The following MMP2 variants were observed in gnomAD, a reference collection of about 807,000 sequenced individuals.
MMP2 encodes matrix metallopeptidase 2.
In MMP2, 39 loss-of-function variants were observed where a neutral mutation model predicts 74.8. The observed-to-expected ratio is 0.52, with a 90% CI of 0.40 to 0.68. MMP2 has a LOEUF of 0.68. Among genes scored for constraint, MMP2 ranks in the 30% least tolerant of loss-of-function variants. The probability of loss-of-function intolerance (pLI) is 0.00; values close to 1 mark genes in which losing one functional copy is unlikely to be tolerated. For synonymous variants in MMP2, 367 were observed against 339.8 expected, an observed-to-expected ratio of 1.08 and a Z score of -0.88; for missense variants, 803 against 878.3, an observed-to-expected ratio of 0.91 and a Z score of 1.08.
chr16:55,480,381 AAAG>A (rs1329862850), intron 1 of MMP2, among the ~76,000 whole-genome samples: 8 of 152,140 alleles, frequency 5.3e-5, no homozygotes, highest in East Asian at 1.9e-4. Flanking sequence ...GGGTCGGAGA[AAAG>A]AAGGAGAGAG....
In MMP2 at chr16:55,479,593, C is replaced by T. The variant is rs1962044379; in HGVS notation, c.114C>T (p.Pro38=). ...CGCCGTCGCCCATCATCAAGTTCCC[C>T]GGCGATGTCGCCCCCAAAACGGACA... ...AAAPSPIIKF[P]GDVAPKTDKE... is the part of the protein sequence containing the mutation. Residue 38 remains proline, a synonymous_variant, in exon 1 of 13, where the codon CCC becomes CCT. Coordinates refer to ENST00000219070, the MANE Select transcript of MMP2 (RefSeq NM_004530.6). 2 of 1,613,746 alleles carry T rather than the reference C, an allele frequency of 1.2e-6. No homozygotes were observed. Among genetic ancestry groups the T allele is most frequent in the South Asian group, 1.1e-5 (1 of 91,086 alleles).
chr16:55,501,952 A>G (rs1376271415), intron 11 of MMP2, among the ~76,000 whole-genome samples: 6 of 152,226 alleles, frequency 3.9e-5, no homozygotes, highest in African/African-American at 1.4e-4. Context: ...TCAACATGAC[A>G]GCAGCATTTA....
At chr16:55,497,140 T>G in intron 10 of MMP2, 78 bp downstream of exon 10, 1 of 1,591,958 alleles carries the variant, frequency 6.3e-7, no homozygotes, top group Non-Finnish European at 8.6e-7. Context: ...CCAGGCTCAC[T>G]CCCCCTCTCA....
chr16:55,504,903 C>T (rs1031590445), intron 12 of MMP2, among the ~76,000 whole-genome samples: 3 of 152,040 alleles, frequency 2.0e-5, no homozygotes, highest in African/African-American at 4.8e-5. Flanking sequence ...CTGCCCGTCT[C>T]GGCCTCCCAA....
chr16:55,499,539 A>T (rs528069237), intron 11 of MMP2, among the ~76,000 whole-genome samples: 1 of 152,274 alleles, frequency 6.6e-6, no homozygotes, highest in Non-Finnish European at 1.5e-5. Context: ...GCTCCAGGTT[A>T]TCTACAGGAA....
rs1962448732 is a variant in MMP2 at position 55,493,009 on chromosome 16, ATCT to A, written c.1337-144_1337-142del. ...GCCCCAGGACTCCCCAAGTCCAGGC[ATCT>A]TCTTGTTACCTTACGGAGCTTACAC... On this transcript the variant is annotated intron_variant, in intron 8 of 12. Coordinates refer to ENST00000219070, the MANE Select transcript of MMP2 (RefSeq NM_004530.6). The A allele has an allele frequency of 1.9e-5, 17 of 901,386 alleles. No homozygotes were observed. The South Asian group carries it at 2.5e-4, about 13-fold the overall frequency. 55.8% of individuals were successfully genotyped at this position (901,386 alleles called of 1,614,324 possible).
Position 55,485,396 on chromosome 16 carries a change from C to T in MMP2, c.627C>T (p.Asp209=), listed in dbSNP as rs778038179. The T allele has an allele frequency of 2.4e-5, 38 of 1,613,922 alleles. No homozygotes were observed. The highest frequency in any genetic ancestry group is 2.7e-5 in the African/African-American group (2 of 74,866). The part of the protein sequence containing the change: ...TGVGGDSHFD[D]DELWTLGEGQ... ...TTGGGGGAGACTCCCATTTTGATGA[C>T]GATGAGCTATGGACCTTGGGAGAAG... Residue 209 remains aspartate (D), a synonymous_variant, in exon 4 of 13, where the codon GAC becomes GAT. Coordinates refer to ENST00000219070, the MANE Select transcript of MMP2 (RefSeq NM_004530.6).
intron 8 of MMP2, 142 bp downstream of exon 8, chr16:55,492,098 G>A: frequency 1.3e-6 from 1 of 791,830 alleles, no homozygotes. Flanking sequence ...TGGGAGTGTT[G>A]ACCTGGTCTT....
chr16:55,505,543 C>T lies in MMP2; in HGVS notation c.*101C>T. ...CGGAGGGGCCTGGCAGCCGTGCCTTCAGCTCTACAGCTAATCAGCATTCTC... is the reference window on the plus strand; with the variant it reads ...CGGAGGGGCCTGGCAGCCGTGCCTTTAGCTCTACAGCTAATCAGCATTCTC... On this transcript the variant is annotated 3_prime_UTR_variant, in exon 13 of 13. Transcript: ENST00000219070. 1 of 913,134 alleles carries T rather than the reference C, an allele frequency of 1.1e-6. No individual in the cohort carries two copies. The highest frequency in any genetic ancestry group is 3.2e-4 in the Middle Eastern group (1 of 3,088). The allele number at this position is 913,134 out of a possible 1,614,324, so 56.6% of individuals were successfully genotyped here. A position where few individuals can be genotyped will look rare whatever the true frequency, so the allele number is the denominator to read the frequency against.
intron 5 of MMP2, 151 bp downstream of exon 5, chr16:55,485,928 C>G (rs558540954): frequency 9.2e-6 from 7 of 763,154 alleles, no homozygotes; most frequent in East Asian, 7.9e-5. Context: ...AGTTCCCCCC[C>G]ATCCTGATCT....
chr16:55,488,600 T>A lies in MMP2; in HGVS notation c.890T>A (p.Phe297Tyr), dbSNP rs778881275. The change falls in exon 6 of 13, where the codon TTC becomes TAC. Residue 297 changes from phenylalanine (F) to tyrosine (Y), a missense_variant. By Grantham distance (22) the Phe-to-Tyr change is conservative. This residue lies in a region of MMP2 where 555 missense variants were observed against 592.0 expected (regional missense o/e 0.94). Coordinates refer to ENST00000219070, the MANE Select transcript of MMP2 (RefSeq NM_004530.6). Reference sequence around the variant, plus strand: ...CAGCCCTGCAAGTTTCCATTCCGCTTCCAGGGCACATCCTATGACAGCTGC... The same window carrying A: ...CAGCCCTGCAAGTTTCCATTCCGCTACCAGGGCACATCCTATGACAGCTGC... ...EGQPCKFPFR[F>Y]QGTSYDSCTT... The A allele has an allele frequency of 8.7e-6, 14 of 1,613,976 alleles. No individual in the cohort carries two copies. In the East Asian group the frequency reaches 3.1e-4, roughly 36 times the overall value.
At position 55,483,150 on chromosome 16, in the gene MMP2, CT is replaced by C; in HGVS notation, c.380+17del. ...ATCACATACAGGTGCCGGGGCAGGG[CT>C]TGGGGAGGCAGGGCCATGGGGCTGA... On this transcript the variant is annotated intron_variant, in intron 2 of 12. Transcript: ENST00000219070. 6.2e-7 allele frequency: 1 copy of C among 1,605,672 alleles called. No homozygotes were observed. Among genetic ancestry groups the C allele is most frequent in the South Asian group, 1.1e-5 (1 of 90,590 alleles).
chr16:55,506,089 A>G lies in MMP2; in HGVS notation c.*647A>G, dbSNP rs1212335786. 1 of 152,728 alleles carries G rather than the reference A, an allele frequency of 6.5e-6. No individual in the cohort carries two copies. Among genetic ancestry groups the G allele is most frequent in the Non-Finnish European group, 1.5e-5 (1 of 68,820 alleles). 9.5% of individuals were successfully genotyped at this position (152,728 alleles called of 1,614,324 possible). ...CCACATAGTGATGGTTCCCCTGTTC[A>G]CTCTACTTAGCATGTCCCTACCGAG... On this transcript the variant is annotated 3_prime_UTR_variant, in exon 13 of 13. Transcript: ENST00000219070.
At chr16:55,490,277 A>G (rs953251912) in intron 7 of MMP2, among the ~76,000 whole-genome samples, 1 of 152,168 alleles carries the variant, frequency 6.6e-6, no homozygotes, top group African/African-American at 2.4e-5. Context: ...GAAGAAAGGA[A>G]AAAAGGAAGA....
chr16:55,489,061 T>C (rs1166636885), intron 6 of MMP2, among the ~76,000 whole-genome samples: 1 of 152,212 alleles, frequency 6.6e-6, no homozygotes, highest in Non-Finnish European at 1.5e-5. Context: ...CAATCTCTCT[T>C]CCCTGCCTTT....
chr16:55,489,153 T>G (rs1962337681), intron 6 of MMP2, among the ~76,000 whole-genome samples: 1 of 152,148 alleles, frequency 6.6e-6, no homozygotes, highest in Non-Finnish European at 1.5e-5. Context: ...TGCCCTCCTC[T>G]CTATCCCTCC....
At chr16:55,496,605 T>C (rs1962533232) in intron 9 of MMP2, among the ~76,000 whole-genome samples, 1 of 152,162 alleles carries the variant, frequency 6.6e-6, no homozygotes, top group Admixed American at 6.5e-5. Context: ...AAACAGACAC[T>C]ACTGTTCCAG....
At chr16:55,493,402 A>G in intron 9 of MMP2, 109 bp downstream of exon 9, 1 of 1,454,910 alleles carries the variant, frequency 6.9e-7, no homozygotes, top group Admixed American at 1.7e-5. Context: ...TGCTTCCCAG[A>G]ATGACCTGAA....
intron 6 of MMP2, among the ~76,000 whole-genome samples, chr16:55,489,418 T>C (rs748081213): frequency 4.7e-5 from 7 of 150,090 alleles, no homozygotes; most frequent in Non-Finnish European, 8.9e-5. Flanking sequence ...CAGTGTTGGC[T>C]TAGGGAAATT....
Sources: allele counts gnomAD v4.1 joint callset (sites outside exome capture counted in the v4.1 genomes callset), GRCh38; gene constraint gnomAD v4.1.1; regional missense constraint gnomAD v4.1.1; transcripts MANE v1.5; gene names NCBI Gene and HGNC (gene_info 2026-07-23, HGNC 2026-07-21).